SYNJ2BP: variants seen among roughly 807,000 people sequenced by gnomAD.
SYNJ2BP encodes synaptojanin 2 binding protein, also known as synaptojanin-2-binding protein.
In SYNJ2BP, 10 loss-of-function variants were observed where a neutral mutation model predicts 16.9. The observed-to-expected ratio is 0.59, with a 90% confidence interval of 0.36 to 1.00. SYNJ2BP has a LOEUF of 1.00. SYNJ2BP is among the 50% of genes least tolerant of loss of function. The probability of loss-of-function intolerance (pLI) is 0.01; values close to 1 mark genes in which losing one functional copy is unlikely to be tolerated. For missense variants in SYNJ2BP, 162 were observed against 186.7 expected, an observed-to-expected ratio of 0.87 and a Z score of 0.77; for synonymous variants, 54 against 68.4, an observed-to-expected ratio of 0.79 and a Z score of 1.04.
intron 1 of SYNJ2BP, among the ~76,000 whole-genome samples, chr14:70,389,433 G>T (rs1469276002): frequency 6.7e-6 from 1 of 148,922 alleles, no homozygotes; most frequent in Non-Finnish European, 1.5e-5. Flanking sequence ...TATTGGCAGA[G>T]AAACCTCAGA....
intron 1 of SYNJ2BP, among the ~76,000 whole-genome samples, chr14:70,402,252 AC>A: frequency 6.6e-6 from 1 of 152,204 alleles, no homozygotes; most frequent in South Asian, 2.1e-4. Context: ...CTGGTAAGTC[AC>A]TGACAAGAGC....
chr14:70,373,828 G>A (rs550492337), intron 3 of SYNJ2BP, among the ~76,000 whole-genome samples: 8 of 152,334 alleles, frequency 5.3e-5, no homozygotes, highest in African/African-American at 1.7e-4. Context: ...CTTCATTTTA[G>A]TGATGGTTTT....
intron 1 of SYNJ2BP, among the ~76,000 whole-genome samples, chr14:70,396,324 A>T (rs1888093703): frequency 6.6e-6 from 1 of 152,048 alleles, no homozygotes; most frequent in Non-Finnish European, 1.5e-5. Context: ...TCACCATGTT[A>T]GCCAGGATGG....
At chr14:70,387,790 C>T (rs1193040803) in intron 2 of SYNJ2BP, among the ~76,000 whole-genome samples, 1 of 151,272 alleles carries the variant, frequency 6.6e-6, no homozygotes, top group East Asian at 1.9e-4. Context: ...AAGATTACGA[C>T]CCTGCACTCC....
At position 70,367,571 on chromosome 14, in the gene SYNJ2BP, AAAAAAAAAAAAAAAAAG is replaced by A. The variant is rs1463876269; in HGVS notation, c.*5403_*5419del. The A allele has an allele frequency of 4.6e-5, 7 of 150,852 alleles. No individual in the cohort carries two copies. The highest frequency in any genetic ancestry group is 8.8e-5 in the Non-Finnish European group (6 of 67,916). The allele number at this position is 150,852 out of a possible 1,614,324, so 9.3% of individuals were successfully genotyped here. ...AGCAAGACTCCGTCTCAAAAAAAAA[AAAAAAAAAAAAAAAAAG>A]AAAAGAAAAGAATCTGGTTCTGATC... is the stretch of plus-strand genomic sequence containing the variant. On this transcript the variant is annotated 3_prime_UTR_variant, in exon 4 of 4. Coordinates refer to ENST00000256366, the MANE Select transcript of SYNJ2BP (RefSeq NM_018373.3).
In SYNJ2BP at chr14:70,369,794, CTTATAA is replaced by C. The variant is rs1887478309; in HGVS notation, c.*3191_*3196del. ...TACAGCTAGTTGAAGCAAACAATAT[CTTATAA>C]TTATACATGTAATACAGAATGATAG... On this transcript the variant is annotated 3_prime_UTR_variant, in exon 4 of 4. Coordinates refer to ENST00000256366, the MANE Select transcript of SYNJ2BP (RefSeq NM_018373.3). The C allele has an allele frequency of 6.6e-6, 1 of 152,102 alleles. No homozygotes were observed. The highest frequency in any genetic ancestry group is 2.1e-4 in the South Asian group (1 of 4,826). The allele number at this position is 152,102 out of a possible 1,614,324, so 9.4% of individuals were successfully genotyped here.
intron 2 of SYNJ2BP, among the ~76,000 whole-genome samples, chr14:70,378,301 C>A (rs1168758083): frequency 3.3e-5 from 2 of 60,508 alleles, no homozygotes; most frequent in Admixed American, 1.6e-4. Context: ...CAGTTTCTTG[C>A]TGGATGCCTA....
intron 2 of SYNJ2BP, among the ~76,000 whole-genome samples, chr14:70,381,958 C>T (rs559155565): frequency 6.6e-5 from 10 of 152,272 alleles, no homozygotes; most frequent in Admixed American, 2.0e-4. Flanking sequence ...GTTGTTTGGC[C>T]GGGCGCGGTG....
chr14:70,378,794 T>C (rs1229214316), intron 2 of SYNJ2BP, among the ~76,000 whole-genome samples: 1 of 152,182 alleles, frequency 6.6e-6, no homozygotes, highest in Non-Finnish European at 1.5e-5. Flanking sequence ...AAAATTAAGC[T>C]GCAAGCTGAG....
Position 70,372,997 on chromosome 14 carries a change from T to C in SYNJ2BP, c.432A>G (p.Gln144=), listed in dbSNP as rs1887549192. Residue 144 remains glutamine (Q), a synonymous_variant, in exon 4 of 4, where the codon CAA becomes CAG. Coordinates refer to ENST00000256366, the MANE Select transcript of SYNJ2BP (RefSeq NM_018373.3). ...TTGAAAGAGAGCAAGTTTTTCAAAG[T>C]TGTTGCCGGTATCTCATGAAAGCCC... ...AAWAFMRYRQ[Q]L 22 of 1,614,072 alleles carry C rather than the reference T, an allele frequency of 1.4e-5. No individual in the cohort carries two copies. The highest frequency in any genetic ancestry group is 1.5e-5 in the Non-Finnish European group (18 of 1,179,980).
chr14:70,383,859 AT>A (rs1378165060), intron 2 of SYNJ2BP, among the ~76,000 whole-genome samples: 1 of 152,140 alleles, frequency 6.6e-6, no homozygotes, highest in Admixed American at 6.5e-5. Flanking sequence ...CTTAAAAATC[AT>A]TTACTGTCAT....
intron 1 of SYNJ2BP, among the ~76,000 whole-genome samples, chr14:70,403,725 G>C (rs1173820635): frequency 1.3e-5 from 2 of 152,164 alleles, no homozygotes; most frequent in Admixed American, 6.5e-5. Flanking sequence ...CAGCTCTCAG[G>C]GCTGCTCTGC....
intron 1 of SYNJ2BP, among the ~76,000 whole-genome samples, chr14:70,411,665 G>A (rs1161078918): frequency 1.3e-5 from 2 of 152,134 alleles, no homozygotes; most frequent in Non-Finnish European, 2.9e-5. Context: ...TCTGGCCCTA[G>A]CCTAAAGCCT....
At chr14:70,376,036 C>A (rs190736425) in intron 2 of SYNJ2BP, among the ~76,000 whole-genome samples, 1 of 152,320 alleles carries the variant, frequency 6.6e-6, no homozygotes, top group Non-Finnish European at 1.5e-5. Flanking sequence ...AGCTTCTATG[C>A]CTGTCTCGTT....
intron 1 of SYNJ2BP, among the ~76,000 whole-genome samples, chr14:70,405,659 G>C (rs1387784005): frequency 6.6e-6 from 1 of 152,144 alleles, no homozygotes; most frequent in Non-Finnish European, 1.5e-5. Context: ...TGGGAATCTT[G>C]TGTGTTCAAA....
intron 1 of SYNJ2BP, among the ~76,000 whole-genome samples, chr14:70,396,202 T>C (rs1311493949): frequency 1.3e-5 from 2 of 152,164 alleles, no homozygotes; most frequent in Non-Finnish European, 2.9e-5. Context: ...CACTGAAAGC[T>C]CCGCCTCCCA....
intron 1 of SYNJ2BP, among the ~76,000 whole-genome samples, chr14:70,413,561 C>A (rs1160783238): frequency 6.6e-6 from 1 of 152,228 alleles, no homozygotes; most frequent in African/African-American, 2.4e-5. Flanking sequence ...ATTGCTTGAA[C>A]CTGGGAGGCA....
intron 2 of SYNJ2BP, among the ~76,000 whole-genome samples, chr14:70,376,364 T>C (rs1417876235): frequency 1.3e-5 from 2 of 152,246 alleles, no homozygotes; most frequent in Non-Finnish European, 2.9e-5. Context: ...AAAAACCATA[T>C]TCCTGTGATG....
intron 1 of SYNJ2BP, among the ~76,000 whole-genome samples, chr14:70,393,506 T>A (rs948979080): frequency 6.6e-6 from 1 of 152,210 alleles, no homozygotes; most frequent in African/African-American, 2.4e-5. Context: ...GGCACACATA[T>A]GTTTACTGCA....
Sources: gnomAD v4.1 joint callset for allele counts (sites outside exome capture counted in the v4.1 genomes callset) on GRCh38, gnomAD v4.1.1 for gene constraint, MANE v1.5 for transcripts, NCBI Gene and HGNC (gene_info 2026-07-23, HGNC 2026-07-21) for gene names.